The following ELOVL5 variants were observed in gnomAD, a reference collection of about 807,000 sequenced individuals.
ELOVL5 encodes ELOVL fatty acid elongase 5.
Under a neutral mutation model 38.6 loss-of-function variants are expected in ELOVL5, and 8 were observed. The observed-to-expected ratio is 0.21, with a 90% CI of 0.12 to 0.37. The LOEUF (loss-of-function observed/expected upper bound fraction) is 0.37, where lower values mean the gene tolerates loss of function less well. Ranked by LOEUF, ELOVL5 falls within the 10% of genes least tolerant of loss-of-function variation. ELOVL5 has a pLI of 1.00. For synonymous variants in ELOVL5, 127 were observed against 133.7 expected, an observed-to-expected ratio of 0.95 and a Z score of 0.34; for missense variants, 280 against 367.8, an observed-to-expected ratio of 0.76 and a Z score of 1.95.
chr6:53,298,466 T>G (rs1767108545), intron 1 of ELOVL5, among the ~76,000 whole-genome samples: 1 of 152,188 alleles, frequency 6.6e-6, no homozygotes, highest in South Asian at 2.1e-4. Flanking sequence ...AACTAGGGTT[T>G]GAAACCCCCC....
intron 3 of ELOVL5, chr6:53,287,785 T>C: frequency 1.5e-6 from 2 of 1,326,348 alleles, no homozygotes; most frequent in Admixed American, 3.9e-5. Context: ...TGCCTCCTTC[T>C]GAGGAAAGGA....
chr6:53,283,410 A>G (rs749379013), intron 3 of ELOVL5, among the ~76,000 whole-genome samples: 10 of 152,242 alleles, frequency 6.6e-5, no homozygotes, highest in Non-Finnish European at 1.3e-4. Context: ...AAGAAATTTA[A>G]CACAGACAAT....
At chr6:53,269,777 T>C (rs915152600) in intron 7 of ELOVL5, among the ~76,000 whole-genome samples, 6 of 152,238 alleles carry the variant, frequency 3.9e-5, no homozygotes, top group African/African-American at 1.4e-4. Context: ...TTCACCTTCC[T>C]TGTAGCTGGT....
At chr6:53,305,551 A>T (rs1767488361) in intron 1 of ELOVL5, among the ~76,000 whole-genome samples, 1 of 141,350 alleles carries the variant, frequency 7.1e-6, no homozygotes, top group Non-Finnish European at 1.5e-5. Flanking sequence ...GACGCTCCTC[A>T]CCTCCCAGAC....
chr6:53,285,903 G>A (rs1448344154), intron 3 of ELOVL5, among the ~76,000 whole-genome samples: 1 of 152,124 alleles, frequency 6.6e-6, no homozygotes. Context: ...ATTGTGCCTG[G>A]CCAGCATTTT....
chr6:53,294,578 C>G (rs1766918586), intron 2 of ELOVL5: 1 of 1,414,244 alleles, frequency 7.1e-7, no homozygotes. Context: ...ATTGCTCCAC[C>G]TGGTAATGCA....
intron 1 of ELOVL5, among the ~76,000 whole-genome samples, chr6:53,345,186 GTGAGATT>G (rs1769485870): frequency 6.6e-6 from 1 of 152,194 alleles, no homozygotes; most frequent in East Asian, 1.9e-4. Flanking sequence ...GAATCCCCAT[GTGAGATT>G]ATGGTGGCAG....
At position 53,275,026 on chromosome 6, in the gene ELOVL5, G is replaced by A. The variant is rs79238688; in HGVS notation, c.496+64C>T. The A allele has an allele frequency of 2.3e-3, 3,458 of 1,488,880 alleles. 66 individuals are homozygous for A. In the African/African-American group the frequency reaches 0.039, roughly 17 times the overall value. The allele number at this position is 1,488,880 out of a possible 1,614,324, so 92.2% of individuals were successfully genotyped here. ...TACAGAAACAGCACCTTTTCTGAAA[G>A]CCTTAGTTTCAACTCTCCTCCCTGC... On this transcript the variant is annotated intron_variant, in intron 5 of 7. Coordinates refer to ENST00000304434, the MANE Select transcript of ELOVL5 (RefSeq NM_021814.5).
intron 1 of ELOVL5, among the ~76,000 whole-genome samples, chr6:53,344,418 C>T (rs764979496): frequency 6.6e-6 from 1 of 152,156 alleles, no homozygotes; most frequent in Non-Finnish European, 1.5e-5. Flanking sequence ...CACAACAATC[C>T]ACCCTACACT....
chr6:53,331,138 T>C (rs536060675), intron 1 of ELOVL5, among the ~76,000 whole-genome samples: 99 of 152,292 alleles, frequency 6.5e-4, no homozygotes, highest in African/African-American at 2.2e-3. Flanking sequence ...AAGATCTGCC[T>C]GGGCAACACA....
At chr6:53,301,141 G>A (rs1049945602) in intron 1 of ELOVL5, among the ~76,000 whole-genome samples, 6 of 152,138 alleles carry the variant, frequency 3.9e-5, no homozygotes, top group African/African-American at 1.4e-4. Context: ...CTAGTAATCT[G>A]GATTTATGGG....
chr6:53,294,525 A>G (rs1045323907), intron 2 of ELOVL5: 1 of 1,536,538 alleles, frequency 6.5e-7, no homozygotes, highest in African/African-American at 1.4e-5. Context: ...GACAAGAACA[A>G]GGATCCTTGG....
intron 1 of ELOVL5, chr6:53,337,371 C>A (rs952870727): frequency 4.6e-5 from 7 of 152,242 alleles, no homozygotes; most frequent in African/African-American, 1.7e-4. Flanking sequence ...GATGGCATGT[C>A]TCCAGGCATA....
At chr6:53,326,811 G>A (rs1277865986) in intron 1 of ELOVL5, among the ~76,000 whole-genome samples, 2 of 152,106 alleles carry the variant, frequency 1.3e-5, no homozygotes, top group South Asian at 2.1e-4. Flanking sequence ...CGGCCTTCAC[G>A]AGAAAGCAGA....
intron 3 of ELOVL5, among the ~76,000 whole-genome samples, chr6:53,277,973 G>A (rs866872497): frequency 7.2e-5 from 11 of 152,170 alleles, no homozygotes; most frequent in African/African-American, 2.2e-4. Context: ...GGACAACCGC[G>A]AATAAGAAAA....
At chr6:53,337,851 G>C (rs1024312669) in intron 1 of ELOVL5, among the ~76,000 whole-genome samples, 2 of 152,210 alleles carry the variant, frequency 1.3e-5, no homozygotes, top group African/African-American at 4.8e-5. Flanking sequence ...AGCTTAGAAG[G>C]ACAGAGAGTA....
chr6:53,281,822 G>T (rs146081783), intron 3 of ELOVL5, among the ~76,000 whole-genome samples: 1 of 147,336 alleles, frequency 6.8e-6, no homozygotes, highest in African/African-American at 2.5e-5. Context: ...CTCCACAGGT[G>T]TTTTTTTTTT....
intron 1 of ELOVL5, among the ~76,000 whole-genome samples, chr6:53,304,244 A>T (rs1483356145): frequency 6.6e-6 from 1 of 152,204 alleles, no homozygotes; most frequent in East Asian, 1.9e-4. Context: ...ATCCTAAAAC[A>T]CGGACTAAAT....
chr6:53,324,684 A>AC, intron 1 of ELOVL5, among the ~76,000 whole-genome samples: 1 of 150,656 alleles, frequency 6.6e-6, no homozygotes, highest in East Asian at 1.9e-4. Flanking sequence ...AAAAAAAAAA[A>AC]AAAAAAAGGA....
Sources: allele counts gnomAD v4.1 joint callset (sites outside exome capture counted in the v4.1 genomes callset), GRCh38; gene constraint gnomAD v4.1.1; transcripts MANE v1.5; gene names NCBI Gene and HGNC (gene_info 2026-07-23, HGNC 2026-07-21).